The following SLC8A1 variants were observed in gnomAD, a reference collection of about 807,000 sequenced individuals.
SLC8A1 encodes solute carrier family 8 member A1.
SLC8A1 carries 18 observed loss-of-function variants against 68.3 expected under a neutral mutation model. The observed-to-expected ratio is 0.26, with a 90% CI of 0.18 to 0.39. The LOEUF (loss-of-function observed/expected upper bound fraction) is 0.39, where lower values mean the gene tolerates loss of function less well. Among genes scored for constraint, SLC8A1 ranks in the 10% least tolerant of loss-of-function variants. The probability of loss-of-function intolerance (pLI) is 1.00; values close to 1 mark genes in which losing one functional copy is unlikely to be tolerated. For missense variants in SLC8A1, 985 were observed against 1,156.7 expected (o/e 0.85, Z 2.15); for synonymous variants, 475 against 415.5 (o/e 1.14, Z -1.74).
chr2:40,286,248 T>A (rs924828068), intron 2 of SLC8A1, among the ~76,000 whole-genome samples: 1 of 152,182 alleles, frequency 6.6e-6, no homozygotes, highest in African/African-American at 2.4e-5. Context: ...GAGGCTTCAC[T>A]ATAGGGATAA....
intron 2 of SLC8A1, among the ~76,000 whole-genome samples, chr2:40,250,679 T>G (rs1455235572): frequency 6.6e-6 from 1 of 152,130 alleles, no homozygotes; most frequent in African/African-American, 2.4e-5. Context: ...TCGCCTAACT[T>G]TCTCCTAGCC....
intron 4 of SLC8A1, among the ~76,000 whole-genome samples, chr2:40,173,586 T>A (rs183842478): frequency 6.6e-6 from 1 of 152,206 alleles, no homozygotes; most frequent in Non-Finnish European, 1.5e-5. Context: ...CAGAATCACA[T>A]TGGAATTGCT....
intron 1 of SLC8A1, among the ~76,000 whole-genome samples, chr2:40,462,537 G>GGT (rs1363595774): frequency 6.6e-6 from 1 of 151,548 alleles, no homozygotes; most frequent in African/African-American, 2.4e-5. Context: ...GGCGGGGCAT[G>GGT]GTGGTTCATG....
At chr2:40,115,717 C>T in intron 7 of SLC8A1, 88 bp from the exon 11 acceptor site, 2 of 1,494,076 alleles carry the variant, frequency 1.3e-6, no homozygotes, top group Non-Finnish European at 1.8e-6. Flanking sequence ...TACTCTAGGA[C>T]CCAACCCTTA....
intron 1 of SLC8A1, among the ~76,000 whole-genome samples, chr2:40,480,340 C>T (rs568785619): frequency 2.2e-4 from 34 of 152,222 alleles, no homozygotes; most frequent in Non-Finnish European, 4.6e-4. Context: ...TTTGGGAGAT[C>T]ATGAGGGCTC....
chr2:40,397,897 A>G (rs1345516889), intron 2 of SLC8A1, among the ~76,000 whole-genome samples: 1 of 152,190 alleles, frequency 6.6e-6, no homozygotes, highest in East Asian at 1.9e-4. Context: ...ACCTGACACT[A>G]AATTTATCAT....
At chr2:40,283,842 T>C (rs2067865098) in intron 2 of SLC8A1, among the ~76,000 whole-genome samples, 1 of 152,098 alleles carries the variant, frequency 6.6e-6, no homozygotes, top group Admixed American at 6.6e-5. Flanking sequence ...GGCTGGAGAA[T>C]AGAGAATTGT....
chr2:40,253,735 G>C (rs533703630), intron 2 of SLC8A1, among the ~76,000 whole-genome samples: 2 of 150,352 alleles, frequency 1.3e-5, no homozygotes, highest in African/African-American at 4.9e-5. Flanking sequence ...GCTGAGGCAG[G>C]AGAATCACTT....
exon 8 of SLC8A1, chr2:40,115,498 G>A (rs902641212): frequency 1.2e-6 from 2 of 1,614,192 alleles, no homozygotes; most frequent in Non-Finnish European, 1.7e-6. Context: ...TTGGCTGCGT[G>A]GTAGATGGCA....
At chr2:40,441,966 C>T (rs902646850) in intron 1 of SLC8A1, among the ~76,000 whole-genome samples, 1 of 143,240 alleles carries the variant, frequency 7.0e-6, no homozygotes, top group East Asian at 2.1e-4. Context: ...AAACTAGCAT[C>T]GTTTTCTTAA....
At chr2:40,230,810 C>T (rs1176243658) in intron 2 of SLC8A1, among the ~76,000 whole-genome samples, 10 of 152,148 alleles carry the variant, frequency 6.6e-5, no homozygotes, top group African/African-American at 2.4e-4. Flanking sequence ...TCTGTTCACT[C>T]TACATTTAAA....
At chr2:40,243,471 AG>A in intron 2 of SLC8A1, among the ~76,000 whole-genome samples, 4 of 152,206 alleles carry the variant, frequency 2.6e-5, no homozygotes, top group African/African-American at 9.7e-5. Flanking sequence ...TGACAAAGTG[AG>A]ACCCTGTCTC....
intron 2 of SLC8A1, among the ~76,000 whole-genome samples, chr2:40,360,462 G>A (rs1232558713): frequency 6.6e-6 from 1 of 152,104 alleles, no homozygotes; most frequent in Non-Finnish European, 1.5e-5. Flanking sequence ...TGTGACAGGT[G>A]GTTATCCTCT....
chr2:40,200,229 T>TAA (rs2054022793), intron 2 of SLC8A1, among the ~76,000 whole-genome samples: 7 of 40,104 alleles, frequency 1.7e-4, no homozygotes, highest in Non-Finnish European at 2.7e-4. Context: ...TTTTTTTATA[T>TAA]ATATATATAA....
At chr2:40,189,084 C>CT (rs534636858) in intron 2 of SLC8A1, among the ~76,000 whole-genome samples, 1 of 152,066 alleles carries the variant, frequency 6.6e-6, no homozygotes, top group African/African-American at 2.4e-5. Flanking sequence ...TACCAGATTT[C>CT]TTTTTTTAAA....
At chr2:40,130,060 CAG>C (rs2039010182) in intron 7 of SLC8A1, among the ~76,000 whole-genome samples, 3 of 152,164 alleles carry the variant, frequency 2.0e-5, no homozygotes, top group Admixed American at 2.0e-4. Flanking sequence ...GGTGCCCATG[CAG>C]TACTGCCCTT....
intron 2 of SLC8A1, among the ~76,000 whole-genome samples, chr2:40,397,690 T>C (rs1163630167): frequency 6.6e-6 from 1 of 152,132 alleles, no homozygotes; most frequent in Non-Finnish European, 1.5e-5. Context: ...CTGAGACAAG[T>C]GGCACAAAGC....
chr2:40,411,493 A>C (rs1188242382), intron 2 of SLC8A1, among the ~76,000 whole-genome samples: 1 of 152,066 alleles, frequency 6.6e-6, no homozygotes, highest in African/African-American at 2.4e-5. Flanking sequence ...TTGAGAATTT[A>C]GCCTAAAGAA....
chr2:40,501,765 A>G (rs993186330), intron 1 of SLC8A1, among the ~76,000 whole-genome samples: 1 of 151,978 alleles, frequency 6.6e-6, no homozygotes, highest in Non-Finnish European at 1.5e-5. Flanking sequence ...AGGGATCTCA[A>G]TCCAAGGCCT....
Sources: gnomAD v4.1 joint callset for allele counts (sites outside exome capture counted in the v4.1 genomes callset) on GRCh38, gnomAD v4.1.1 for gene constraint, MANE v1.5 for transcripts, NCBI Gene and HGNC (gene_info 2026-07-23, HGNC 2026-07-21) for gene names.